PLA2R1: variants seen among roughly 807,000 people sequenced by gnomAD.
The protein encoded by PLA2R1 is phospholipase A2 receptor 1.
A neutral mutation model predicts 195.9 loss-of-function variants in PLA2R1; 158 were observed. The ratio of observed to expected loss-of-function variants is 0.81; its 90% confidence interval spans 0.71 to 0.92. The LOEUF (loss-of-function observed/expected upper bound fraction) is 0.92, where lower values mean the gene tolerates loss of function less well. Among genes scored for constraint, PLA2R1 ranks in the 40% least tolerant of loss-of-function variants. The pLI is 0.00. For synonymous variants in PLA2R1, 586 were observed against 598.2 expected (o/e 0.98, Z 0.30); for missense variants, 1,626 against 1,764.6 (o/e 0.92, Z 1.41).
intron 9 of PLA2R1, among the ~76,000 whole-genome samples, chr2:160,013,951 A>C (rs7572807): frequency 0.025 from 3,869 of 152,272 alleles, 142 homozygotes; most frequent in African/African-American, 0.083. Flanking sequence ...GAATCAGAGA[A>C]GGACAATACA....
chr2:160,061,472 C>A (rs1559040403), intron 1 of PLA2R1, among the ~76,000 whole-genome samples: 1 of 152,206 alleles, frequency 6.6e-6, no homozygotes, highest in Non-Finnish European at 1.5e-5. Context: ...TTCTCTCCCT[C>A]ACCTGGCCTG....
At chr2:160,003,809 G>T (rs1691776152) in intron 11 of PLA2R1, among the ~76,000 whole-genome samples, 1 of 152,116 alleles carries the variant, frequency 6.6e-6, no homozygotes, top group Non-Finnish European at 1.5e-5. Context: ...TAGCAGAAAT[G>T]AAAATGAATT....
chr2:160,014,295 G>C (rs1461934348), intron 9 of PLA2R1, among the ~76,000 whole-genome samples: 1 of 148,854 alleles, frequency 6.7e-6, no homozygotes, highest in Non-Finnish European at 1.5e-5. Context: ...TGGAGGGGAA[G>C]AAAGTAAGCT....
chr2:160,008,120 A>C (rs1406654386), intron 10 of PLA2R1, among the ~76,000 whole-genome samples: 1 of 152,048 alleles, frequency 6.6e-6, no homozygotes, highest in Non-Finnish European at 1.5e-5. Flanking sequence ...TGGGAAACAT[A>C]GTGAGATCCT....
At chr2:159,959,706 A>G (rs1688312859) in intron 20 of PLA2R1, among the ~76,000 whole-genome samples, 1 of 152,156 alleles carries the variant, frequency 6.6e-6, no homozygotes, top group Non-Finnish European at 1.5e-5. Flanking sequence ...CTCACAATGA[A>G]TGGCACGGTC....
At position 159,934,777 on chromosome 2, in the gene PLA2R1, T is replaced by A. The variant is rs1560120622; in HGVS notation, c.*7001A>T. On this transcript the variant is annotated 3_prime_UTR_variant, in exon 30 of 30. Transcript: ENST00000283243. ...AGCCTCCTTCAGCTTCTTCTAATGG[T>A]ACATCTCATAAAACCATGGTATAAT... is the stretch of plus-strand genomic sequence containing the variant. 6.6e-6 allele frequency: 1 copy of A among 152,210 alleles called. No individual in the cohort carries two copies. Among genetic ancestry groups the A allele is most frequent in the Non-Finnish European group, 1.5e-5 (1 of 68,038 alleles). 9.4% of individuals were successfully genotyped at this position (152,210 alleles called of 1,614,324 possible). A position where few individuals can be genotyped will look rare whatever the true frequency, so the allele number is the denominator to read the frequency against.
intron 6 of PLA2R1, among the ~76,000 whole-genome samples, chr2:160,023,938 G>A (rs1303843023): frequency 6.8e-6 from 1 of 146,286 alleles, no homozygotes; most frequent in Non-Finnish European, 1.5e-5. Context: ...AGAGCCAGGA[G>A]AGACTTCTCT....
intron 23 of PLA2R1, among the ~76,000 whole-genome samples, chr2:159,954,511 A>T (rs1419515242): frequency 6.4e-5 from 6 of 94,260 alleles, no homozygotes; most frequent in African/African-American, 1.7e-4. Context: ...ATTCCAAATA[A>T]GTATATATAT....
intron 11 of PLA2R1, among the ~76,000 whole-genome samples, chr2:159,999,885 G>T (rs1691475893): frequency 6.6e-6 from 1 of 152,186 alleles, no homozygotes; most frequent in Admixed American, 6.5e-5. Flanking sequence ...ATAACCAGCA[G>T]ATTAGGTACC....
In PLA2R1 at chr2:159,937,294, A is replaced by C. The variant is rs981045673; in HGVS notation, c.*4484T>G. ...ATACAAATGAAGGCTGGGAAAAGTA[A>C]AATATCACTTCATTATAGTTCAGTC... On this transcript the variant is annotated 3_prime_UTR_variant, in exon 30 of 30. Coordinates refer to ENST00000283243, the MANE Select transcript of PLA2R1 (RefSeq NM_007366.5). 1.3e-5 allele frequency: 2 copies of C among 152,214 alleles called. No individual in the cohort carries two copies. Among genetic ancestry groups the C allele is most frequent in the Non-Finnish European group, 1.5e-5 (1 of 68,040 alleles). 9.4% of individuals were successfully genotyped at this position (152,214 alleles called of 1,614,324 possible).
intron 1 of PLA2R1, among the ~76,000 whole-genome samples, chr2:160,050,790 G>C (rs747260897): frequency 1.3e-5 from 2 of 152,134 alleles, no homozygotes; most frequent in African/African-American, 4.8e-5. Context: ...TAAGCAAAAG[G>C]GGGTGCCATG....
At chr2:160,045,919 G>A (rs1329669919) in intron 1 of PLA2R1, among the ~76,000 whole-genome samples, 1 of 152,286 alleles carries the variant, frequency 6.6e-6, no homozygotes, top group East Asian at 1.9e-4. Context: ...GGAGAAAGCA[G>A]GTGTTTTGTG....
At chr2:160,040,170 T>G (rs1694437861) in intron 3 of PLA2R1, among the ~76,000 whole-genome samples, 1 of 152,044 alleles carries the variant, frequency 6.6e-6, no homozygotes, top group African/African-American at 2.4e-5. Flanking sequence ...CATGCATACA[T>G]TTAGATTCAA....
At position 159,985,594 on chromosome 2, in the gene PLA2R1, C is replaced by T. The variant is rs183980208; in HGVS notation, c.2038-1521G>A. On this transcript the variant is annotated intron_variant, in intron 12 of 29. Coordinates refer to ENST00000283243, the MANE Select transcript of PLA2R1 (RefSeq NM_007366.5). Reference sequence around the variant, plus strand: ...ATACACACACACATATATACACATACAAATCAACCGTATGCATCAATTTGT... The same window carrying T: ...ATACACACACACATATATACACATATAAATCAACCGTATGCATCAATTTGT... 1.3e-4 allele frequency among the ~76,000 whole-genome samples: 20 copies of T among 152,250 alleles called. No individual in the cohort carries two copies. The East Asian group carries it at 3.9e-3, about 29-fold the overall frequency.
intron 1 of PLA2R1, among the ~76,000 whole-genome samples, chr2:160,052,767 A>T (rs889713193): frequency 5.9e-5 from 9 of 152,198 alleles, no homozygotes; most frequent in African/African-American, 2.2e-4. Flanking sequence ...ACAAAACCAG[A>T]AAACAACTCC....
At chr2:160,052,043 C>A (rs1695243845) in intron 1 of PLA2R1, among the ~76,000 whole-genome samples, 1 of 152,204 alleles carries the variant, frequency 6.6e-6, no homozygotes, top group South Asian at 2.1e-4. Flanking sequence ...TAACTCTTAG[C>A]CTTCTTTATT....
At chr2:159,997,501 TC>T (rs1691293013) in intron 11 of PLA2R1, among the ~76,000 whole-genome samples, 1 of 152,114 alleles carries the variant, frequency 6.6e-6, no homozygotes, top group Non-Finnish European at 1.5e-5. Context: ...ATTTTTCCTC[TC>T]CCTCTGCTGG....
intron 9 of PLA2R1, 105 bp downstream of exon 9, chr2:160,016,509 G>GAA (rs1692775130): frequency 1.4e-5 from 9 of 665,656 alleles, no homozygotes; most frequent in Admixed American, 2.3e-5. Context: ...ATGAAAGAGA[G>GAA]GAGAGAGAGA....
chr2:160,059,457 T>C (rs1459924578), intron 1 of PLA2R1, among the ~76,000 whole-genome samples: 1 of 152,152 alleles, frequency 6.6e-6, no homozygotes, highest in African/African-American at 2.4e-5. Flanking sequence ...AACACTTAGA[T>C]GTGTACTATT....
Sources: allele counts gnomAD v4.1 joint callset (sites outside exome capture counted in the v4.1 genomes callset), GRCh38; gene constraint gnomAD v4.1.1; transcripts MANE v1.5; gene names NCBI Gene and HGNC (gene_info 2026-07-23, HGNC 2026-07-21).